Variants in ARHGAP6 observed in about 807,000 individuals in gnomAD.
The protein encoded by ARHGAP6 is rho GTPase-activating protein 6.
ARHGAP6 carries 16 observed loss-of-function variants against 55.7 expected under a neutral mutation model. That is an observed-to-expected ratio of 0.29 (90% confidence interval 0.19 to 0.44). ARHGAP6 has a LOEUF of 0.44. Among genes scored for constraint, ARHGAP6 ranks in the 20% least tolerant of loss-of-function variants. ARHGAP6 has a pLI of 1.00. For missense variants in ARHGAP6, 698 were observed against 808.9 expected (o/e 0.86, Z 1.66); for synonymous variants, 382 against 360.9 (o/e 1.06, Z -0.66).
intron 1 of ARHGAP6, among the ~76,000 whole-genome samples, chrX:11,281,715 G>A (rs1439924158): frequency 1.8e-5 from 2 of 111,602 alleles, no homozygotes; most frequent in African/African-American, 6.5e-5. Context: ...TTCTCAAATG[G>A]TTATTAGTGG....
intron 8 of ARHGAP6, among the ~76,000 whole-genome samples, chrX:11,174,635 C>CTTTCTTTCTTTCTTTCTCTTTCT (rs2046169205): frequency 4.4e-5 from 2 of 45,897 alleles, no homozygotes; most frequent in Non-Finnish European, 7.5e-5. Flanking sequence ...TTCTTTCTTT[C>CTTTCTTTCTTTCTTTCTCTTTCT]TTTCTTTCTT....
rs1262184729 is a variant in ARHGAP6 at position 11,628,875 on chromosome X, T to C, written c.588+35366A>G. Reference sequence around the variant, plus strand: ...TCTTGTTATTAGCAGAAAATAATTATGTGTACTAATCATTCCATAATGTCC... The same window carrying C: ...TCTTGTTATTAGCAGAAAATAATTACGTGTACTAATCATTCCATAATGTCC... On this transcript the variant is annotated intron_variant, in intron 1 of 12. Coordinates refer to ENST00000337414, the MANE Select transcript of ARHGAP6 (RefSeq NM_013427.3). Among the ~76,000 whole-genome samples, 4 of 112,657 alleles carry C rather than the reference T, an allele frequency of 3.6e-5. No individual in the cohort carries two copies. The East Asian group carries it at 1.1e-3, about 31-fold the overall frequency.
At chrX:11,568,818 T>C (rs945321928) in intron 1 of ARHGAP6, among the ~76,000 whole-genome samples, 2 of 111,436 alleles carry the variant, frequency 1.8e-5, no homozygotes, top group Admixed American at 1.9e-4. Context: ...GTCCATTTTA[T>C]GCAGAATATG....
chrX:11,213,949 T>C (rs1309678242), intron 2 of ARHGAP6, among the ~76,000 whole-genome samples: 1 of 111,774 alleles, frequency 8.9e-6, no homozygotes, highest in African/African-American at 3.3e-5. Flanking sequence ...TGAAAGCTTT[T>C]GGTTAAAATC....
intron 1 of ARHGAP6, among the ~76,000 whole-genome samples, chrX:11,504,064 G>A (rs950209647): frequency 1.8e-5 from 2 of 110,974 alleles, no homozygotes; most frequent in Non-Finnish European, 3.8e-5. Context: ...TTTGGGGGGG[G>A]GCTACCCAAG....
chrX:11,474,459 C>T (rs1404530936), intron 1 of ARHGAP6, among the ~76,000 whole-genome samples: 3 of 112,412 alleles, frequency 2.7e-5, no homozygotes, highest in African/African-American at 6.4e-5. Flanking sequence ...GAATGCTAGA[C>T]AGCAAGAGAA....
intron 1 of ARHGAP6, among the ~76,000 whole-genome samples, chrX:11,290,117 T>C (rs1433641023): frequency 1.8e-5 from 2 of 112,121 alleles, no homozygotes; most frequent in African/African-American, 6.5e-5. Context: ...AGCATCTCCC[T>C]TTTCAGATAC....
chrX:11,435,920 C>T (rs2049982776), intron 1 of ARHGAP6, among the ~76,000 whole-genome samples: 1 of 112,018 alleles, frequency 8.9e-6, no homozygotes, highest in Non-Finnish European at 1.9e-5. Context: ...GTTTTCTCCC[C>T]ATTGTCTTCA....
At chrX:11,221,994 A>G (rs988172422) in intron 2 of ARHGAP6, among the ~76,000 whole-genome samples, 1 of 111,015 alleles carries the variant, frequency 9.0e-6, no homozygotes, top group East Asian at 2.8e-4. Context: ...TAGCTATTCT[A>G]TTGTCACAGC....
intron 2 of ARHGAP6, among the ~76,000 whole-genome samples, chrX:11,233,973 G>T (rs1395995783): frequency 8.9e-6 from 1 of 112,382 alleles, no homozygotes; most frequent in Non-Finnish European, 1.9e-5. Context: ...TTAAACAAAG[G>T]CTTAAAATTC....
chrX:11,580,448 A>G (rs1317315117), intron 1 of ARHGAP6, among the ~76,000 whole-genome samples: 1 of 111,793 alleles, frequency 8.9e-6, no homozygotes, highest in Non-Finnish European at 1.9e-5. Context: ...AGTGCCTCCC[A>G]ACGAAGCATG....
chrX:11,576,822 C>T (rs1462406824), intron 1 of ARHGAP6, among the ~76,000 whole-genome samples: 1 of 87,656 alleles, frequency 1.1e-5, no homozygotes, highest in Non-Finnish European at 2.2e-5. Context: ...TCTCACTGGG[C>T]TCAAACCAAG....
At chrX:11,261,217 T>G (rs974879507) in intron 1 of ARHGAP6, among the ~76,000 whole-genome samples, 15 of 111,520 alleles carry the variant, frequency 1.3e-4, no homozygotes, top group Non-Finnish European at 1.7e-4. Flanking sequence ...TGCCAGTACA[T>G]GAGGGGAGAA....
At chrX:11,245,405 G>A (rs1300404342) in intron 2 of ARHGAP6, among the ~76,000 whole-genome samples, 1 of 111,650 alleles carries the variant, frequency 9.0e-6, no homozygotes, top group African/African-American at 3.3e-5. Context: ...TCTAGAGAGA[G>A]AAGGCATAAG....
intron 2 of ARHGAP6, among the ~76,000 whole-genome samples, chrX:11,210,566 T>A (rs2147387386): frequency 8.9e-6 from 1 of 112,535 alleles, no homozygotes; most frequent in Non-Finnish European, 1.9e-5. Flanking sequence ...TTTGTTGGCT[T>A]AGAATGCCAC....
chrX:11,552,141 G>A (rs1239531307), intron 1 of ARHGAP6, among the ~76,000 whole-genome samples: 1 of 110,915 alleles, frequency 9.0e-6, no homozygotes, highest in Admixed American at 9.6e-5. Context: ...AACATCAAAT[G>A]GTCAATATTT....
chrX:11,501,597 C>A (rs951259621), intron 1 of ARHGAP6, among the ~76,000 whole-genome samples: 1 of 111,606 alleles, frequency 9.0e-6, no homozygotes, highest in African/African-American at 3.3e-5. Flanking sequence ...TTTGACTCCC[C>A]AAAAACTTTA....
chrX:11,652,857 A>T (rs769794925), intron 1 of ARHGAP6, among the ~76,000 whole-genome samples: 2 of 112,341 alleles, frequency 1.8e-5, no homozygotes, highest in African/African-American at 3.2e-5. Context: ...AATAGACAGA[A>T]GACCTTCAAG....
intron 1 of ARHGAP6, among the ~76,000 whole-genome samples, chrX:11,519,002 T>G (rs1167933860): frequency 2.1e-5 from 2 of 96,968 alleles, no homozygotes; most frequent in African/African-American, 8.1e-5. Flanking sequence ...CCATGGTGTA[T>G]ATGTGCCACA....
Sources: gnomAD v4.1 joint callset for allele counts (sites outside exome capture counted in the v4.1 genomes callset) on GRCh38, gnomAD v4.1.1 for gene constraint, MANE v1.5 for transcripts, NCBI Gene and HGNC (gene_info 2026-07-23, HGNC 2026-07-21) for gene names.